Variants in ITGB2 observed in about 807,000 individuals in gnomAD.
ITGB2 encodes the protein integrin beta-2.
Under a neutral mutation model 86.8 loss-of-function variants are expected in ITGB2, and 56 were observed. That is an observed-to-expected ratio of 0.65 (90% CI 0.52 to 0.81). The LOEUF is 0.81. Ranked by LOEUF, ITGB2 falls within the 30% of genes least tolerant of loss-of-function variation. The pLI is 0.00. For missense variants in ITGB2, 948 were observed against 1,061.2 expected (o/e 0.89, Z 1.48); for synonymous variants, 457 against 450.4 (o/e 1.01, Z -0.19).
rs778770260 is a variant in ITGB2, at chr21:44,889,381, C to G, written c.1772G>C (p.Ser591Thr). 3.1e-6 allele frequency: 5 copies of G among 1,612,926 alleles called. No individual in the cohort carries two copies. The South Asian group carries it at 5.5e-5, about 18-fold the overall frequency. Reference sequence around the variant, plus strand: ...GTTGCAGCGGCACCGGCCACGACCACTACACTCAACACGCCGCGGGTTCAG... The same window carrying G: ...GTTGCAGCGGCACCGGCCACGACCAGTACACTCAACACGCCGCGGGTTCAG... ...GCLNPRRVEC[S>T]GRGRCRCNVC... Residue 591 changes from serine (S) to threonine (T), a missense_variant, in exon 13 of 16, where the codon AGT becomes ACT. Transcript: ENST00000652462.
chr21:44,907,074 G>C lies in ITGB2; in HGVS notation c.169C>G (p.Pro57Ala), dbSNP rs1401782366. The part of the protein sequence containing the change: ...QKLNFTGPGD[P>A]DSIRCDTRPQ... ...CGGGTGTCGCAGCGAATGGAGTCAGGATCCCCCGGCCCTGTGAAGTTCTGG... is the reference window on the plus strand; with the variant it reads ...CGGGTGTCGCAGCGAATGGAGTCAGCATCCCCCGGCCCTGTGAAGTTCTGG... Residue 57 changes from proline to alanine, a missense_variant, in exon 4 of 16, where the codon CCT becomes GCT. Pro to Ala is a conservative substitution (Grantham distance 27). Transcript: ENST00000652462. 6.2e-7 allele frequency: 1 copy of C among 1,607,324 alleles called. No homozygotes were observed. The highest frequency in any genetic ancestry group is 8.5e-7 in the Non-Finnish European group (1 of 1,175,318).
chr21:44,903,603 G>A (rs118175687), intron 4 of ITGB2, 68 bp from the exon 5 acceptor site: 26,563 of 1,584,230 alleles, frequency 0.017, 315 homozygotes, highest in South Asian at 0.043. Flanking sequence ...GGGGCGTGTG[G>A]CCCCGAGCGG....
intron 6 of ITGB2, among the ~76,000 whole-genome samples, chr21:44,901,281 G>T (rs561335182): frequency 3.3e-5 from 5 of 152,224 alleles, no homozygotes; most frequent in Non-Finnish European, 5.9e-5. Context: ...TGAAATCAGC[G>T]CATGATTTTC....
At position 44,889,398 on chromosome 21, in the gene ITGB2, C is replaced by G. The variant is rs546962855; in HGVS notation, c.1755G>C (p.Pro585=). 1 of 1,612,670 alleles carries G rather than the reference C, an allele frequency of 6.2e-7. No homozygotes were observed. Among genetic ancestry groups the G allele is most frequent in the Non-Finnish European group, 8.5e-7 (1 of 1,179,766 alleles). ...CERTTEGCLN[P]RRVECSGRGR... ...CACGACCACTACACTCAACACGCCGCGGGTTCAGGCAGCCCTCAGTGGTCC... is the reference window on the plus strand; with the variant it reads ...CACGACCACTACACTCAACACGCCGGGGGTTCAGGCAGCCCTCAGTGGTCC... Residue 585 remains proline (P), a synonymous_variant, in exon 13 of 16, where the codon CCG becomes CCC. Coordinates refer to ENST00000652462, the MANE Select transcript of ITGB2 (RefSeq NM_000211.5).
intron 1 of ITGB2, among the ~76,000 whole-genome samples, chr21:44,920,077 C>T (rs370660310): frequency 1.3e-5 from 2 of 152,130 alleles, no homozygotes; most frequent in Admixed American, 6.5e-5. Context: ...TACAGCAAGA[C>T]GTCACCCAGG....
Position 44,903,483 on chromosome 21 carries a change from G to A in ITGB2, c.381C>T (p.Ile127=), listed in dbSNP as rs483352812. Residue 127 remains isoleucine, a synonymous_variant, in exon 5 of 16, where the codon ATC becomes ATT. Coordinates refer to ENST00000652462, the MANE Select transcript of ITGB2 (RefSeq NM_000211.5). The part of the protein sequence containing the change: ...VTFRRAKGYP[I]DLYYLMDLSY... ...AGAGGTCCATCAGATAGTACAGGTC[G>A]ATGGGGTAGCCCTTGGCCCGCCGGA... 19 of 1,613,946 alleles carry A rather than the reference G, an allele frequency of 1.2e-5. No homozygotes were observed. In the African/African-American group the frequency reaches 2.0e-4, roughly 17 times the overall value.
At chr21:44,900,289 C>A (rs367565222) in intron 7 of ITGB2, 31 bp downstream of exon 7, 2 of 1,614,010 alleles carry the variant, frequency 1.2e-6, no homozygotes, top group Admixed American at 3.3e-5. Flanking sequence ...TCCTGCCAGG[C>A]GGTGCCTGGG....
At chr21:44,926,775 C>T (rs2084378067) in intron 1 of ITGB2, 1 of 152,262 alleles carries the variant, frequency 6.6e-6, no homozygotes, top group Admixed American at 6.5e-5. Context: ...CCAGAAATTC[C>T]ATTTGCAGTC....
At chr21:44,895,841 A>G (rs12626539) in intron 8 of ITGB2, among the ~76,000 whole-genome samples, 24,345 of 124,146 alleles carry the variant, frequency 0.2, 2,605 homozygotes, top group Middle Eastern at 0.29. Flanking sequence ...TCAATAAAAT[A>G]AAATGAAATG....
intron 15 of ITGB2, 100 bp downstream of exon 15, chr21:44,886,636 G>A: frequency 6.5e-7 from 1 of 1,542,594 alleles, no homozygotes; most frequent in Non-Finnish European, 8.9e-7. Flanking sequence ...AGGCCGGGGT[G>A]CAGCCACACA....
At chr21:44,903,584 G>C (rs762572123) in intron 4 of ITGB2, 49 bp from the exon 5 acceptor site, 17 of 1,608,720 alleles carry the variant, frequency 1.1e-5, no homozygotes, top group Non-Finnish European at 1.3e-5. Context: ...ATCTCACACA[G>C]GGTGTCTGGG....
At chr21:44,915,024 A>G (rs1304782424) in intron 1 of ITGB2, among the ~76,000 whole-genome samples, 1 of 152,166 alleles carries the variant, frequency 6.6e-6, no homozygotes, top group Non-Finnish European at 1.5e-5. Context: ...CAGCGGGGTC[A>G]GGCTTCCTTT....
At chr21:44,904,413 T>C (rs62221523) in intron 4 of ITGB2, among the ~76,000 whole-genome samples, 37,726 of 151,302 alleles carry the variant, frequency 0.25, 5,043 homozygotes, top group South Asian at 0.35. Context: ...ATATAACTCA[T>C]GCACACACAG....
At chr21:44,927,674 C>G (rs1240427548) in intron 1 of ITGB2, 1 of 152,508 alleles carries the variant, frequency 6.6e-6, no homozygotes, top group Non-Finnish European at 1.5e-5. Context: ...GCGGGTGAGA[C>G]CTTTTGCAGG....
intron 1 of ITGB2, among the ~76,000 whole-genome samples, chr21:44,925,969 G>C (rs2084368019): frequency 1.3e-5 from 2 of 152,162 alleles, no homozygotes; most frequent in Non-Finnish European, 2.9e-5. Context: ...GCTGGGCATG[G>C]TGGCGGGTGC....
rs772955668 is a variant in ITGB2, at chr21:44,888,801, T to C, written c.1972A>G (p.Lys658Glu). Residue 658 changes from lysine to glutamate, a missense_variant, in exon 14 of 16, where the codon AAG becomes GAG. By Grantham distance (56) the Lys-to-Glu change is moderately conservative. Transcript: ENST00000652462. Reference sequence around the variant, plus strand: ...TCCCTCTCCTTGCAGGTCCTGCCCTTCACGGGGTTGTTCGACAGCTGCAGG... The same window carrying C: ...TCCCTCTCCTTGCAGGTCCTGCCCTCCACGGGGTTGTTCGACAGCTGCAGG... Reference protein sequence around the residue: ...PGLQLSNNPVKGRTCKERDSE... With the variant: ...PGLQLSNNPVEGRTCKERDSE... The C allele has an allele frequency of 1.2e-6, 2 of 1,611,954 alleles. No homozygotes were observed. Among genetic ancestry groups the C allele is most frequent in the Non-Finnish European group, 1.7e-6 (2 of 1,179,974 alleles).
rs1601322083 is a variant in ITGB2 at position 44,910,300 on chromosome 21, G to A, written c.131C>T (p.Thr44Ile). 5 of 1,614,082 alleles carry A rather than the reference G, an allele frequency of 3.1e-6. No individual in the cohort carries two copies. In the Admixed American group the frequency reaches 6.7e-5, roughly 22 times the overall value. ...GGCACTTACCAGCTTCTGGCACCAG[G>A]TGCAGCCGGGCCCCGACTCGATGCA... is the stretch of plus-strand genomic sequence containing the variant. ...RECIESGPGCTWCQKLNFTGP... is the reference protein window; with the variant it reads ...RECIESGPGCIWCQKLNFTGP... The change falls in exon 3 of 16, where the codon ACC becomes ATC. Residue 44 changes from threonine to isoleucine, a missense_variant. Transcript: ENST00000652462.
intron 8 of ITGB2, among the ~76,000 whole-genome samples, chr21:44,896,945 G>A (rs1011908973): frequency 5.3e-5 from 8 of 152,228 alleles, no homozygotes; most frequent in African/African-American, 1.9e-4. Context: ...TACTGCTGGT[G>A]AGGAGGGGAC....
At chr21:44,894,517 T>G in intron 9 of ITGB2, 3 of 253,418 alleles carry the variant, frequency 1.2e-5, no homozygotes, top group Non-Finnish European at 2.4e-5. Flanking sequence ...CAGGGAGAAA[T>G]TCAGGGGTTA....
Sources: allele counts gnomAD v4.1 joint callset (sites outside exome capture counted in the v4.1 genomes callset), GRCh38; gene constraint gnomAD v4.1.1; transcripts MANE v1.5; gene names NCBI Gene and HGNC (gene_info 2026-07-23, HGNC 2026-07-21).